The following ATP8A1 variants were observed in gnomAD, a reference collection of about 807,000 sequenced individuals.
ATP8A1 encodes ATPase phospholipid transporting 8A1, also known as phospholipid-transporting ATPase IA.
ATP8A1 carries 90 observed loss-of-function variants against 177.7 expected under a neutral mutation model. That is an observed-to-expected ratio of 0.51 (90% CI 0.43 to 0.60). ATP8A1 has a LOEUF of 0.60. Among genes scored for constraint, ATP8A1 ranks in the 20% least tolerant of loss-of-function variants. ATP8A1 has a pLI of 0.00. For missense variants in ATP8A1, 1,072 were observed against 1,392.8 expected (o/e 0.77, Z 3.67); for synonymous variants, 493 against 485.9 (o/e 1.01, Z -0.19).
intron 33 of ATP8A1, among the ~76,000 whole-genome samples, chr4:42,432,121 T>C (rs1715375140): frequency 6.6e-6 from 1 of 152,158 alleles, no homozygotes; most frequent in African/African-American, 2.4e-5. Context: ...TAATAGGCTC[T>C]TTTCTCCTCC....
At chr4:42,518,309 A>G (rs1420901689) in intron 22 of ATP8A1, among the ~76,000 whole-genome samples, 1 of 152,226 alleles carries the variant, frequency 6.6e-6, no homozygotes, top group Non-Finnish European at 1.5e-5. Flanking sequence ...TGTGGCAATG[A>G]CATATCAATT....
At chr4:42,443,114 G>C (rs1380837703) in intron 33 of ATP8A1, among the ~76,000 whole-genome samples, 1 of 152,092 alleles carries the variant, frequency 6.6e-6, no homozygotes, top group Non-Finnish European at 1.5e-5. Context: ...GATGTCATTA[G>C]GACAACTCAA....
intron 27 of ATP8A1, among the ~76,000 whole-genome samples, chr4:42,460,978 C>T (rs1457625716): frequency 3.3e-5 from 5 of 152,132 alleles, no homozygotes; most frequent in South Asian, 2.1e-4. Context: ...TTTATCATGC[C>T]TTGATTAACC....
chr4:42,549,463 A>G (rs1264880967), intron 18 of ATP8A1, among the ~76,000 whole-genome samples: 1 of 152,114 alleles, frequency 6.6e-6, no homozygotes, highest in Non-Finnish European at 1.5e-5. Flanking sequence ...GAAGCAATGA[A>G]ACAAACAGGT....
At chr4:42,527,270 C>T (rs1486894526) in intron 20 of ATP8A1, among the ~76,000 whole-genome samples, 1 of 152,176 alleles carries the variant, frequency 6.6e-6, no homozygotes, top group Non-Finnish European at 1.5e-5. Context: ...AGGAAAGGTG[C>T]ATGCGTAGCC....
At chr4:42,559,153 T>C (rs1730558420) in intron 15 of ATP8A1, among the ~76,000 whole-genome samples, 1 of 152,192 alleles carries the variant, frequency 6.6e-6, no homozygotes. Flanking sequence ...ACCACTGCAC[T>C]CCTGCCTGGG....
At chr4:42,575,994 T>C (rs1356178485) in intron 12 of ATP8A1, among the ~76,000 whole-genome samples, 3 of 152,100 alleles carry the variant, frequency 2.0e-5, no homozygotes, top group Non-Finnish European at 2.9e-5. Flanking sequence ...AAATGACCTA[T>C]TATAAGGATT....
chr4:42,557,119 A>G (rs915700118), intron 15 of ATP8A1, among the ~76,000 whole-genome samples: 1 of 152,230 alleles, frequency 6.6e-6, no homozygotes, highest in Non-Finnish European at 1.5e-5. Context: ...GAATGTTTAT[A>G]ATGGAACACA....
At chr4:42,491,354 T>C (rs1722725542) in intron 24 of ATP8A1, among the ~76,000 whole-genome samples, 1 of 152,170 alleles carries the variant, frequency 6.6e-6, no homozygotes, top group African/African-American at 2.4e-5. Flanking sequence ...TCACTTTGAA[T>C]CATTAAGATA....
At chr4:42,432,896 T>C (rs769474053) in intron 33 of ATP8A1, among the ~76,000 whole-genome samples, 12 of 152,224 alleles carry the variant, frequency 7.9e-5, no homozygotes, top group Non-Finnish European at 1.5e-4. Context: ...AAATTTCAAT[T>C]ATATGGTATA....
chr4:42,469,924 G>T (rs1395679200), intron 25 of ATP8A1, among the ~76,000 whole-genome samples: 1 of 152,116 alleles, frequency 6.6e-6, no homozygotes, highest in Admixed American at 6.5e-5. Flanking sequence ...ACATATCCAT[G>T]GCTGAGAATA....
At chr4:42,650,884 C>T (rs1388273526) in intron 1 of ATP8A1, among the ~76,000 whole-genome samples, 1 of 152,122 alleles carries the variant, frequency 6.6e-6, no homozygotes, top group African/African-American at 2.4e-5. Context: ...CTGAGAACTT[C>T]ACTGTGACTG....
chr4:42,445,586 A>G (rs1451724808), intron 31 of ATP8A1, among the ~76,000 whole-genome samples: 2 of 152,216 alleles, frequency 1.3e-5, no homozygotes, highest in Non-Finnish European at 2.9e-5. Flanking sequence ...AAATGCTTGA[A>G]GTGCCCAGTT....
At chr4:42,460,590 T>C (rs898967263) in intron 27 of ATP8A1, among the ~76,000 whole-genome samples, 5 of 152,078 alleles carry the variant, frequency 3.3e-5, no homozygotes, top group Non-Finnish European at 5.9e-5. Context: ...GGTTTCACCA[T>C]GTTGGCCAGG....
chr4:42,651,503 T>C (rs923949158), intron 1 of ATP8A1, among the ~76,000 whole-genome samples: 1 of 152,154 alleles, frequency 6.6e-6, no homozygotes, highest in Non-Finnish European at 1.5e-5. Context: ...ATCAGCAGTG[T>C]GAAAATGGAC....
At chr4:42,624,333 T>C (rs1737813057) in intron 4 of ATP8A1, among the ~76,000 whole-genome samples, 1 of 152,006 alleles carries the variant, frequency 6.6e-6, no homozygotes, top group Non-Finnish European at 1.5e-5. Flanking sequence ...ATAAATGCAA[T>C]AGAACACTGT....
At chr4:42,446,100 G>A (rs143943032) in intron 31 of ATP8A1, among the ~76,000 whole-genome samples, 18,434 of 78,424 alleles carry the variant, frequency 0.24, 3,831 homozygotes, top group East Asian at 0.49. Context: ...AAAAAAAAAA[G>A]AGAAGAGATA....
chr4:42,455,673 C>T, intron 27 of ATP8A1, 74 bp from the exon 28 acceptor site: 1 of 1,324,108 alleles, frequency 7.6e-7, no homozygotes, highest in East Asian at 2.4e-5. Context: ...CTGTTGTATA[C>T]TCAACTGCTG....
intron 20 of ATP8A1, among the ~76,000 whole-genome samples, chr4:42,537,696 C>T (rs967556272): frequency 6.6e-6 from 1 of 152,074 alleles, no homozygotes; most frequent in Non-Finnish European, 1.5e-5. Context: ...TAGGAATATA[C>T]CTGACCAAGG....
Sources: allele counts gnomAD v4.1 joint callset (sites outside exome capture counted in the v4.1 genomes callset), GRCh38; gene constraint gnomAD v4.1.1; transcripts MANE v1.5; gene names NCBI Gene and HGNC (gene_info 2026-07-23, HGNC 2026-07-21).